PTPRD: variants seen among roughly 807,000 people sequenced by gnomAD.
PTPRD encodes the protein receptor-type tyrosine-protein phosphatase delta.
A neutral mutation model predicts 214.5 loss-of-function variants in PTPRD; 34 were observed. The ratio of observed to expected loss-of-function variants is 0.16; its 90% CI spans 0.12 to 0.21. The LOEUF is 0.21. PTPRD is among the 10% of genes least tolerant of loss of function. PTPRD has a pLI of 1.00. For missense variants in PTPRD, 2,545 were observed against 2,398.7 expected (o/e 1.06, Z -1.27); for synonymous variants, 1,128 against 845.7 (o/e 1.33, Z -5.79).
chr9:9,821,378 C>G (rs1230268765), intron 5 of PTPRD, among the ~76,000 whole-genome samples: 1 of 152,144 alleles, frequency 6.6e-6, no homozygotes, highest in Admixed American at 6.6e-5. Context: ...AGGGATTGTA[C>G]ACACATTTGT....
At chr9:9,162,904 T>C (rs1188131511) in intron 10 of PTPRD, among the ~76,000 whole-genome samples, 1 of 152,132 alleles carries the variant, frequency 6.6e-6, no homozygotes, top group Admixed American at 6.6e-5. Context: ...AGACACTCTT[T>C]AGCTAGCTTG....
chr9:10,499,620 T>G (rs1420549441), intron 2 of PTPRD, among the ~76,000 whole-genome samples: 8 of 151,920 alleles, frequency 5.3e-5, no homozygotes, highest in African/African-American at 1.9e-4. Flanking sequence ...GATATGAACT[T>G]GTTTCTAAAT....
intron 34 of PTPRD, among the ~76,000 whole-genome samples, chr9:8,443,884 G>C (rs1300336318): frequency 6.6e-6 from 1 of 152,068 alleles, no homozygotes; most frequent in Non-Finnish European, 1.5e-5. Context: ...GAAGAAAAAT[G>C]AACACATATT....
chr9:8,818,146 G>C (rs2096960514), intron 11 of PTPRD, among the ~76,000 whole-genome samples: 1 of 152,062 alleles, frequency 6.6e-6, no homozygotes, highest in Non-Finnish European at 1.5e-5. Context: ...TAATTTCTAG[G>C]TGTTTGATAC....
intron 5 of PTPRD, among the ~76,000 whole-genome samples, chr9:9,899,368 A>G (rs1042742440): frequency 1.6e-4 from 25 of 152,106 alleles, no homozygotes; most frequent in African/African-American, 5.1e-4. Context: ...CAAAATAATA[A>G]TAATTTATTT....
At chr9:9,075,343 T>C (rs529718621) in intron 10 of PTPRD, among the ~76,000 whole-genome samples, 1 of 152,270 alleles carries the variant, frequency 6.6e-6, no homozygotes, top group South Asian at 2.1e-4. Flanking sequence ...ATAATAAATT[T>C]TTGTTGACTG....
At chr9:8,965,078 T>G (rs978237362) in intron 11 of PTPRD, among the ~76,000 whole-genome samples, 1 of 152,052 alleles carries the variant, frequency 6.6e-6, no homozygotes, top group Non-Finnish European at 1.5e-5. Flanking sequence ...CAAGTTTAAG[T>G]TCAGGATTCC....
chr9:10,191,927 C>T (rs955237100), intron 3 of PTPRD, among the ~76,000 whole-genome samples: 5 of 152,172 alleles, frequency 3.3e-5, no homozygotes, highest in African/African-American at 1.2e-4. Context: ...GTTCCCAAGA[C>T]TCACTGAACG....
At chr9:10,209,847 G>A (rs139885444) in intron 3 of PTPRD, among the ~76,000 whole-genome samples, 3 of 152,092 alleles carry the variant, frequency 2.0e-5, no homozygotes, top group East Asian at 3.9e-4. Context: ...TGATCTACAA[G>A]TTTATTCCTT....
chr9:10,418,090 T>C (rs867163323), intron 2 of PTPRD, among the ~76,000 whole-genome samples: 2 of 151,786 alleles, frequency 1.3e-5, no homozygotes, highest in Non-Finnish European at 1.5e-5. Flanking sequence ...AAATTAAAAC[T>C]ACAAGGCAAA....
At chr9:8,395,140 A>C (rs2090760804) in intron 36 of PTPRD, among the ~76,000 whole-genome samples, 1 of 152,162 alleles carries the variant, frequency 6.6e-6, no homozygotes, top group Non-Finnish European at 1.5e-5. Context: ...GGACTGTGTC[A>C]AAAAGAAATT....
rs1341814122 is a variant in PTPRD at position 9,686,280 on chromosome 9, GATGT to G, written c.-287+48249_-287+48252del. On this transcript the variant is annotated intron_variant, in intron 7 of 45. Transcript: ENST00000381196. ...TGAAAATTAATCCTCTCATATTTGA[GATGT>G]ATGTATGAATTATTTTTTCTAAAAA... Among the ~76,000 whole-genome samples, 22 of 136,044 alleles carry G rather than the reference GATGT, an allele frequency of 1.6e-4. No individual in the cohort carries two copies. The South Asian group carries it at 3.5e-3, about 21-fold the overall frequency. The allele number at this position is 136,044 out of a possible 152,430, so 89.3% of individuals were successfully genotyped here.
intron 3 of PTPRD, among the ~76,000 whole-genome samples, chr9:10,190,678 A>G (rs1212905018): frequency 7.4e-6 from 1 of 135,144 alleles, no homozygotes; most frequent in African/African-American, 2.8e-5. Context: ...AGATCATGCC[A>G]TTGCACTCCA....
At chr9:10,006,404 T>C (rs75050536) in intron 4 of PTPRD, among the ~76,000 whole-genome samples, 3,935 of 152,028 alleles carry the variant, frequency 0.026, 170 homozygotes, top group African/African-American at 0.087. Flanking sequence ...TAAAATTTAT[T>C]TTTCCTTTAT....
intron 3 of PTPRD, among the ~76,000 whole-genome samples, chr9:10,162,042 T>C (rs1006632464): frequency 1.3e-5 from 2 of 151,562 alleles, no homozygotes; most frequent in Non-Finnish European, 3.0e-5. Context: ...ATAAAGAATA[T>C]TGATGCTAGT....
chr9:9,881,235 T>C (rs2068583737), intron 5 of PTPRD, among the ~76,000 whole-genome samples: 1 of 152,170 alleles, frequency 6.6e-6, no homozygotes, highest in South Asian at 2.1e-4. Flanking sequence ...AGTAAACAGC[T>C]ACTTTGGGAC....
At chr9:8,452,232 T>G (rs555578276) in intron 33 of PTPRD, among the ~76,000 whole-genome samples, 153 of 152,324 alleles carry the variant, frequency 1.0e-3, no homozygotes, top group African/African-American at 3.5e-3. Flanking sequence ...TTAAATGTAT[T>G]TTGCTTAGTT....
chr9:9,620,889 C>A (rs1555920), intron 7 of PTPRD, among the ~76,000 whole-genome samples: 12,842 of 151,168 alleles, frequency 0.085, 592 homozygotes, highest in Middle Eastern at 0.17. Flanking sequence ...AAGAGCAAAG[C>A]ATTAGTAGGC....
At chr9:8,833,147 G>C (rs2097333841) in intron 11 of PTPRD, among the ~76,000 whole-genome samples, 1 of 152,116 alleles carries the variant, frequency 6.6e-6, no homozygotes, top group South Asian at 2.1e-4. Flanking sequence ...AAAAACATGA[G>C]CTTTAGAGGT....
Sources: gnomAD v4.1 joint callset for allele counts (sites outside exome capture counted in the v4.1 genomes callset) on GRCh38, gnomAD v4.1.1 for gene constraint, MANE v1.5 for transcripts, NCBI Gene and HGNC (gene_info 2026-07-23, HGNC 2026-07-21) for gene names.